Variants in IFT52 observed in about 807,000 individuals in gnomAD.
IFT52 encodes the protein intraflagellar transport protein 52 homolog.
IFT52 carries 44 observed loss-of-function variants against 54.4 expected under a neutral mutation model. That is an observed-to-expected ratio of 0.81 (90% CI 0.63 to 1.04). The LOEUF is 1.04. Among genes scored for constraint, IFT52 ranks in the 50% least tolerant of loss-of-function variants. The pLI is 0.00. For missense variants in IFT52, 452 were observed against 523.6 expected, an observed-to-expected ratio of 0.86 and a Z score of 1.33; for synonymous variants, 181 against 185.3, an observed-to-expected ratio of 0.98 and a Z score of 0.19.
intron 2 of IFT52, among the ~76,000 whole-genome samples, 186 bp from the exon 3 acceptor site, chr20:43,596,249 G>A (rs978839498): frequency 2.6e-5 from 4 of 152,240 alleles, no homozygotes; most frequent in Non-Finnish European, 5.9e-5. Context: ...ACAGAGGCCA[G>A]ATGACTCTGG....
At chr20:43,613,481 G>C (rs1256886236) in intron 6 of IFT52, among the ~76,000 whole-genome samples, 1 of 152,150 alleles carries the variant, frequency 6.6e-6, no homozygotes, top group Non-Finnish European at 1.5e-5. Flanking sequence ...GTTTGATAAT[G>C]AATCAAAGAG....
chr20:43,646,109 G>A (rs1227759845), intron 13 of IFT52, among the ~76,000 whole-genome samples: 2 of 151,706 alleles, frequency 1.3e-5, no homozygotes. Flanking sequence ...TACTCGGGAG[G>A]CTGGGGCAGG....
At position 43,623,969 on chromosome 20, in the gene IFT52, A is replaced by G; in HGVS notation, c.847A>G (p.Ile283Val). ...NRECLQESDEIPRDFTTLFDL... is the reference protein window; with the variant it reads ...NRECLQESDEVPRDFTTLFDL... The stretch of plus-strand genomic sequence containing the variant: ...AGAGTGTCTCCAGGAGAGTGATGAG[A>G]TCCCAAGGGACTTTACCACCCTCTT... Residue 283 changes from isoleucine to valine, a missense_variant, in exon 10 of 14, where the codon ATC (isoleucine) becomes GTC (valine). Transcript: ENST00000373030. 1 of 1,614,040 alleles carries G rather than the reference A, an allele frequency of 6.2e-7. No individual in the cohort carries two copies. Among genetic ancestry groups the G allele is most frequent in the South Asian group, 1.1e-5 (1 of 91,070 alleles).
At chr20:43,605,162 C>G (rs1041985520) in intron 6 of IFT52, 89 bp downstream of exon 6, 29 of 1,544,138 alleles carry the variant, frequency 1.9e-5, no homozygotes, top group Non-Finnish European at 2.3e-5. Context: ...TTTCTGGTTA[C>G]AAAAATAATC....
chr20:43,610,498 C>G (rs1373332117), intron 6 of IFT52, among the ~76,000 whole-genome samples: 2 of 151,972 alleles, frequency 1.3e-5, no homozygotes, highest in Non-Finnish European at 2.9e-5. Context: ...CTTTGGGAGG[C>G]TGAGGCAGGC....
intron 9 of IFT52, among the ~76,000 whole-genome samples, chr20:43,621,839 G>A (rs1271250240): frequency 6.6e-6 from 1 of 152,226 alleles, no homozygotes; most frequent in Non-Finnish European, 1.5e-5. Flanking sequence ...TGTGGGCTAA[G>A]TTAATAGATG....
intron 12 of IFT52, among the ~76,000 whole-genome samples, chr20:43,639,199 T>C (rs1322763661): frequency 7.6e-6 from 1 of 130,832 alleles, no homozygotes; most frequent in Non-Finnish European, 1.6e-5. Context: ...TTAAAAAGAG[T>C]ATGAAATAAG....
In IFT52 at chr20:43,594,812, T is replaced by G; in HGVS notation, c.114T>G (p.Ile38Met). 2 of 1,506,802 alleles carry G rather than the reference T, an allele frequency of 1.3e-6. No individual in the cohort carries two copies. Among genetic ancestry groups the G allele is most frequent in the Non-Finnish European group, 1.8e-6 (2 of 1,082,240 alleles). The allele number at this position is 1,506,802 out of a possible 1,614,324, so 93.3% of individuals were successfully genotyped here. Residue 38 changes from isoleucine to methionine, a missense_variant, in exon 2 of 14, where the codon ATT (isoleucine) becomes ATG (methionine). Ile to Met is a conservative substitution (Grantham distance 10). Coordinates refer to ENST00000373030, the MANE Select transcript of IFT52 (RefSeq NM_016004.5). Reference protein sequence around the residue: ...MQKKLRSNWKIQSLKDEITSE... With the variant: ...MQKKLRSNWKMQSLKDEITSE... The stretch of plus-strand genomic sequence containing the variant: ...AAAAACTTCGGAGTAATTGGAAGAT[T>G]CAGAGGTGACTGACCATGTATATTG...
intron 9 of IFT52, among the ~76,000 whole-genome samples, chr20:43,621,953 T>G (rs953095410): frequency 6.6e-6 from 1 of 152,220 alleles, no homozygotes; most frequent in Non-Finnish European, 1.5e-5. Flanking sequence ...ATTTTATAGA[T>G]GAGGAAACTG....
chr20:43,637,032 C>T, intron 11 of IFT52, 113 bp from the exon 12 acceptor site: 1 of 689,892 alleles, frequency 1.4e-6, no homozygotes, highest in Non-Finnish European at 2.5e-6. Flanking sequence ...TCCTTATTCT[C>T]CTTGTGTCTT....
chr20:43,608,612 A>T (rs1983164757), intron 6 of IFT52, among the ~76,000 whole-genome samples: 1 of 152,214 alleles, frequency 6.6e-6, no homozygotes, highest in South Asian at 2.1e-4. Context: ...TTTAGTAGTG[A>T]AAATAATGTG....
chr20:43,635,779 C>G (rs1209403541), intron 10 of IFT52, 147 bp from the exon 11 acceptor site: 17 of 648,504 alleles, frequency 2.6e-5, no homozygotes, highest in Non-Finnish European at 3.5e-5. Context: ...TGGGTGTATA[C>G]CCAGTAATGG....
intron 3 of IFT52, among the ~76,000 whole-genome samples, chr20:43,602,399 T>G (rs1003904631): frequency 6.6e-6 from 1 of 152,022 alleles, no homozygotes; most frequent in African/African-American, 2.4e-5. Flanking sequence ...TGACCTCAAG[T>G]GATCCACCCA....
chr20:43,606,905 A>T (rs939580948), intron 6 of IFT52, among the ~76,000 whole-genome samples: 13 of 152,230 alleles, frequency 8.5e-5, no homozygotes, highest in Non-Finnish European at 2.9e-5. Flanking sequence ...GGTTGGGGGT[A>T]AGGTCACAGA....
At chr20:43,642,354 A>C (rs1985972734) in intron 12 of IFT52, 125 bp from the exon 13 acceptor site, 1 of 821,054 alleles carries the variant, frequency 1.2e-6, no homozygotes, top group African/African-American at 1.7e-5. Flanking sequence ...ACATTACTTT[A>C]GGAAGAGGTG....
rs191533031 is a variant in IFT52, at chr20:43,644,504, A to G, written c.1266+1880A>G. Among the ~76,000 whole-genome samples, 375 of 59,116 alleles carry G rather than the reference A, an allele frequency of 6.3e-3. 148 individuals carry two copies. Among genetic ancestry groups the G allele is most frequent in the African/African-American group, 0.017 (353 of 20,564 alleles). 38.8% of individuals were successfully genotyped at this position (59,116 alleles called of 152,430 possible). ...AAAATGTTTTTAAAAATGTTTGGCC[A>G]GGAATGGTGGCTCACGCCTGTAATC... On this transcript the variant is annotated intron_variant, in intron 13 of 13. Coordinates refer to ENST00000373030, the MANE Select transcript of IFT52 (RefSeq NM_016004.5).
chr20:43,617,467 G>A (rs1322080981), intron 7 of IFT52, among the ~76,000 whole-genome samples: 1 of 150,282 alleles, frequency 6.7e-6, no homozygotes, highest in East Asian at 1.9e-4. Flanking sequence ...TTTTTGAGAC[G>A]GAGTCTCACT....
intron 1 of IFT52, among the ~76,000 whole-genome samples, chr20:43,594,166 G>A (rs1981747763): frequency 6.6e-6 from 1 of 151,940 alleles, no homozygotes; most frequent in South Asian, 2.1e-4. Context: ...AAATTAGCTG[G>A]GCATGGTGAC....
At position 43,619,054 on chromosome 20, in the gene IFT52, A is replaced by G. The variant is rs1439123200; in HGVS notation, c.699+28A>G. 6 of 1,407,428 alleles carry G rather than the reference A, an allele frequency of 4.3e-6. No individual in the cohort carries two copies. In the African/African-American group the frequency reaches 8.5e-5, roughly 20 times the overall value. 87.2% of individuals were successfully genotyped at this position (1,407,428 alleles called of 1,614,324 possible). On this transcript the variant is annotated intron_variant, in intron 8 of 13. Coordinates refer to ENST00000373030, the MANE Select transcript of IFT52 (RefSeq NM_016004.5). ...AAGCTTTTTCTTTTGTCATATTAAT[A>G]TACAATGTGTATTATTTTCATGTCA... is the stretch of plus-strand genomic sequence containing the variant.
Sources: gnomAD v4.1 joint callset for allele counts (sites outside exome capture counted in the v4.1 genomes callset) on GRCh38, gnomAD v4.1.1 for gene constraint, MANE v1.5 for transcripts, NCBI Gene and HGNC (gene_info 2026-07-23, HGNC 2026-07-21) for gene names.